Variants in RGS22 observed in about 807,000 individuals in gnomAD.
RGS22 encodes the protein regulator of G-protein signaling 22.
RGS22 carries 148 observed loss-of-function variants against 172.9 expected under a neutral mutation model. The ratio of observed to expected loss-of-function variants is 0.86; its 90% CI spans 0.75 to 0.98. The LOEUF (loss-of-function observed/expected upper bound fraction) is 0.98. Among genes scored for constraint, RGS22 ranks in the 50% least tolerant of loss-of-function variants. The probability of loss-of-function intolerance (pLI) is 0.00; values close to 1 mark genes in which losing one functional copy is unlikely to be tolerated. For synonymous variants in RGS22, 458 were observed against 480.2 expected (o/e 0.95, Z 0.60); for missense variants, 1,347 against 1,440.8 (o/e 0.93, Z 1.05).
chr8:100,088,821 CA>C (rs1812347338), intron 3 of RGS22, among the ~76,000 whole-genome samples: 1 of 151,904 alleles, frequency 6.6e-6, no homozygotes, highest in South Asian at 2.1e-4. Flanking sequence ...TTGGGCATGT[CA>C]TTACAGATAG....
At chr8:100,005,226 A>T (rs932103257) in intron 16 of RGS22, among the ~76,000 whole-genome samples, 1 of 151,552 alleles carries the variant, frequency 6.6e-6, no homozygotes, top group Non-Finnish European at 1.5e-5. Context: ...AAGAAAGTTT[A>T]AAAAAAAATC....
In RGS22 at chr8:99,962,416, T is replaced by C. The variant is rs745931816; in HGVS notation, c.*23A>G. 67 of 1,613,334 alleles carry C rather than the reference T, an allele frequency of 4.2e-5. No homozygotes were observed. The highest frequency in any genetic ancestry group is 5.1e-5 in the Non-Finnish European group (60 of 1,179,300). On this transcript the variant is annotated 3_prime_UTR_variant, in exon 27 of 28. Transcript: ENST00000360863. The stretch of plus-strand genomic sequence containing the variant: ...TACCTTGAACCTATCAGCAGCAGGA[T>C]GTAAACATTCACAAGAATGCTGTCA...
chr8:99,961,561 C>A (rs1189478372), intron 27 of RGS22, among the ~76,000 whole-genome samples: 5 of 152,212 alleles, frequency 3.3e-5, no homozygotes, highest in Admixed American at 6.5e-5. Flanking sequence ...TTTCCTGAGG[C>A]TTCCCTAGCC....
intron 5 of RGS22, 30 bp downstream of exon 5, chr8:100,072,115 A>G (rs1438244356): frequency 1.5e-6 from 2 of 1,303,878 alleles, no homozygotes; most frequent in Non-Finnish European, 2.2e-6. Flanking sequence ...TATGTATTTA[A>G]AAATACATAT....
chr8:100,003,441 AT>A (rs1815334551), intron 17 of RGS22, among the ~76,000 whole-genome samples: 1 of 152,144 alleles, frequency 6.6e-6, no homozygotes, highest in Admixed American at 6.5e-5. Flanking sequence ...TAGGAAAAAA[AT>A]ATATTGAATA....
chr8:99,985,474 T>C (rs190545380), intron 21 of RGS22, among the ~76,000 whole-genome samples: 10 of 152,240 alleles, frequency 6.6e-5, no homozygotes, highest in Admixed American at 4.6e-4. Context: ...CCCATCATTC[T>C]CTCCTCTGTG....
At chr8:100,024,503 C>T (rs1817962197) in intron 14 of RGS22, among the ~76,000 whole-genome samples, 1 of 152,068 alleles carries the variant, frequency 6.6e-6, no homozygotes, top group Admixed American at 6.6e-5. Context: ...TATATGGCAC[C>T]TTCAGTCCTG....
intron 20 of RGS22, 48 bp from the exon 21 acceptor site, chr8:99,987,667 C>T (rs1256915469): frequency 1.5e-6 from 2 of 1,377,386 alleles, no homozygotes; most frequent in African/African-American, 2.9e-5. Context: ...ATTAGGCTAA[C>T]AATTACCAAC....
At chr8:100,033,280 TAAA>T (rs1004960526) in intron 14 of RGS22, among the ~76,000 whole-genome samples, 2 of 151,522 alleles carry the variant, frequency 1.3e-5, no homozygotes, top group African/African-American at 4.9e-5. Context: ...GCAAGACTAA[TAAA>T]GAAGAAAAGA....
At chr8:100,044,405 C>A (rs1248368362) in intron 11 of RGS22, among the ~76,000 whole-genome samples, 1 of 152,208 alleles carries the variant, frequency 6.6e-6, no homozygotes, top group Admixed American at 6.5e-5. Flanking sequence ...AGCCATCATG[C>A]CTGGCTAATT....
chr8:100,029,846 A>G (rs1818602447), intron 14 of RGS22, among the ~76,000 whole-genome samples: 1 of 152,292 alleles, frequency 6.6e-6, no homozygotes, highest in South Asian at 2.1e-4. Flanking sequence ...GAGGAAAAAG[A>G]CCAAAAATCC....
At chr8:100,101,294 T>C (rs1360767939) in intron 2 of RGS22, among the ~76,000 whole-genome samples, 1 of 151,500 alleles carries the variant, frequency 6.6e-6, no homozygotes, top group Non-Finnish European at 1.5e-5. Context: ...AAATTTCTTT[T>C]TTTTTTTTTT....
chr8:100,047,962 TGG>T (rs33995754), intron 10 of RGS22, among the ~76,000 whole-genome samples: 17 of 150,324 alleles, frequency 1.1e-4, no homozygotes, highest in Non-Finnish European at 2.2e-4. Context: ...GTGTGTGTAC[TGG>T]GGGGGGGTGC....
intron 23 of RGS22, among the ~76,000 whole-genome samples, chr8:99,976,490 T>A (rs894534173): frequency 6.6e-6 from 1 of 151,984 alleles, no homozygotes; most frequent in African/African-American, 2.4e-5. Flanking sequence ...GCCTCCCAAG[T>A]AGCTGGGACT....
Position 99,972,948 on chromosome 8 carries a change from G to C in RGS22, c.3519+4969C>G, listed in dbSNP as rs1563560100. On this transcript the variant is annotated intron_variant, in intron 23 of 27. Coordinates refer to ENST00000360863, the MANE Select transcript of RGS22 (RefSeq NM_015668.5). ...ACTCGGGAGGCTGAGGCAGGAGAAT[G>C]GTGTGAACTCGGGAGGCAGAGCTTG... Among the ~76,000 whole-genome samples the C allele has an allele frequency of 2.0e-5, 3 of 150,008 alleles. No individual in the cohort carries two copies. The South Asian group carries it at 6.4e-4, about 32-fold the overall frequency.
intron 11 of RGS22, among the ~76,000 whole-genome samples, chr8:100,046,005 A>C (rs924125217): frequency 1.3e-5 from 2 of 152,042 alleles, no homozygotes; most frequent in Admixed American, 6.6e-5. Flanking sequence ...AGGAGGAGGC[A>C]AGATGACAAG....
At chr8:100,083,760 T>A (rs1337728660) in intron 3 of RGS22, among the ~76,000 whole-genome samples, 1 of 151,944 alleles carries the variant, frequency 6.6e-6, no homozygotes, top group African/African-American at 2.4e-5. Flanking sequence ...CCTAATGAGC[T>A]TACAACACAA....
At chr8:100,075,555 T>C (rs1811288458) in intron 4 of RGS22, among the ~76,000 whole-genome samples, 2 of 152,212 alleles carry the variant, frequency 1.3e-5, no homozygotes, top group South Asian at 4.1e-4. Context: ...AAATGGACTA[T>C]AGATGGTATG....
chr8:99,997,816 C>T (rs1814554600), intron 19 of RGS22, among the ~76,000 whole-genome samples: 1 of 152,154 alleles, frequency 6.6e-6, no homozygotes, highest in Non-Finnish European at 1.5e-5. Context: ...GACAAACCCA[C>T]TTTACAAAAT....
Sources: allele counts gnomAD v4.1 joint callset (sites outside exome capture counted in the v4.1 genomes callset), GRCh38; gene constraint gnomAD v4.1.1; transcripts MANE v1.5; gene names NCBI Gene and HGNC (gene_info 2026-07-23, HGNC 2026-07-21).